FUT8: variants seen among roughly 807,000 people sequenced by gnomAD.
FUT8 encodes the protein alpha-(1,6)-fucosyltransferase.
A neutral mutation model predicts 71.3 loss-of-function variants in FUT8; 29 were observed. The ratio of observed to expected loss-of-function variants is 0.41; its 90% CI spans 0.30 to 0.55. FUT8 has a LOEUF of 0.55. FUT8 is among the 20% of genes least tolerant of loss of function. FUT8 has a pLI of 0.34. For synonymous variants in FUT8, 254 were observed against 239.3 expected (o/e 1.06, Z -0.57); for missense variants, 544 against 702.1 (o/e 0.77, Z 2.55).
In FUT8 at chr14:65,742,451, C is replaced by G. The variant is rs780767809; in HGVS notation, c.*41C>G. The G allele has an allele frequency of 6.4e-6, 10 of 1,559,944 alleles. No homozygotes were observed. The East Asian group carries it at 2.3e-4, about 35-fold the overall frequency. ...GATAAACGACCAAACTCAGTTCGAC[C>G]AAACTCAGTTCAAACCATTTCAGCC... On this transcript the variant is annotated 3_prime_UTR_variant, in exon 11 of 11. Coordinates refer to ENST00000673929, the MANE Select transcript of FUT8 (RefSeq NM_001371533.1).
intron 5 of FUT8, chr14:65,617,234 A>G (rs778009339): frequency 6.8e-7 from 1 of 1,474,522 alleles, no homozygotes; most frequent in Non-Finnish European, 8.9e-7. Context: ...CAATATTATA[A>G]TGATTTTGAA....
intron 6 of FUT8, among the ~76,000 whole-genome samples, chr14:65,633,483 C>A (rs945924123): frequency 6.6e-6 from 1 of 152,130 alleles, no homozygotes; most frequent in African/African-American, 2.4e-5. Flanking sequence ...GCTGCCCAGT[C>A]TGGAAAGTGA....
At chr14:65,496,348 C>A (rs1285159475) in intron 2 of FUT8, among the ~76,000 whole-genome samples, 1 of 152,064 alleles carries the variant, frequency 6.6e-6, no homozygotes, top group African/African-American at 2.4e-5. Context: ...CTATGACTGC[C>A]CTTCTTTCAC....
intron 6 of FUT8, among the ~76,000 whole-genome samples, chr14:65,659,922 A>G (rs976683157): frequency 1.3e-5 from 2 of 152,110 alleles, no homozygotes; most frequent in Admixed American, 6.6e-5. Flanking sequence ...TTATAACCTC[A>G]ACAGTTAAAT....
At chr14:65,486,508 G>T (rs2066411188) in intron 2 of FUT8, among the ~76,000 whole-genome samples, 1 of 152,220 alleles carries the variant, frequency 6.6e-6, no homozygotes, top group Non-Finnish European at 1.5e-5. Flanking sequence ...ATTACATGAA[G>T]AAGTCTTTAA....
chr14:65,552,417 T>C (rs546908362), intron 2 of FUT8, among the ~76,000 whole-genome samples: 173 of 152,330 alleles, frequency 1.1e-3, no homozygotes, highest in African/African-American at 3.8e-3. Context: ...TATGAGTGAA[T>C]GGATCATAGT....
At chr14:65,500,639 T>C (rs1255212029) in intron 2 of FUT8, among the ~76,000 whole-genome samples, 1 of 152,232 alleles carries the variant, frequency 6.6e-6, no homozygotes, top group African/African-American at 2.4e-5. Context: ...AACCTTTCTT[T>C]ATGGATCCTA....
At chr14:65,632,133 G>C (rs926617189) in intron 6 of FUT8, among the ~76,000 whole-genome samples, 1 of 152,076 alleles carries the variant, frequency 6.6e-6, no homozygotes, top group African/African-American at 2.4e-5. Context: ...GTTGATTGAC[G>C]GGCATTTGGG....
intron 2 of FUT8, among the ~76,000 whole-genome samples, chr14:65,536,152 G>A (rs775257232): frequency 4.6e-5 from 7 of 151,974 alleles, no homozygotes; most frequent in Non-Finnish European, 8.8e-5. Flanking sequence ...GTCATTGCAC[G>A]TGAGATGTGT....
intron 6 of FUT8, among the ~76,000 whole-genome samples, chr14:65,633,600 G>A (rs1296959388): frequency 4.8e-5 from 7 of 146,410 alleles, no homozygotes; most frequent in African/African-American, 1.5e-4. Context: ...GCCGCCCATC[G>A]TCTGAGATGT....
chr14:65,677,176 ATGTG>A (rs146092415), intron 7 of FUT8, among the ~76,000 whole-genome samples: 1 of 72,152 alleles, frequency 1.4e-5, no homozygotes, highest in Non-Finnish European at 2.7e-5. Flanking sequence ...GCGCGCACGT[ATGTG>A]TGTGCGCATG....
intron 6 of FUT8, among the ~76,000 whole-genome samples, chr14:65,634,290 G>A (rs1217623536): frequency 3.3e-5 from 5 of 152,082 alleles, no homozygotes; most frequent in African/African-American, 1.2e-4. Flanking sequence ...TCTGAAACAT[G>A]TGCTGTGTCC....
At chr14:65,720,979 G>A (rs1895386336) in intron 7 of FUT8, among the ~76,000 whole-genome samples, 1 of 152,102 alleles carries the variant, frequency 6.6e-6, no homozygotes. Flanking sequence ...CCTCCCCCAA[G>A]CACACAGATT....
At chr14:65,575,308 T>C (rs193108245) in intron 3 of FUT8, among the ~76,000 whole-genome samples, 1 of 152,122 alleles carries the variant, frequency 6.6e-6, no homozygotes, top group African/African-American at 2.4e-5. Flanking sequence ...GGCAAGACTT[T>C]AAATTATTGT....
At position 65,603,694 on chromosome 14, in the gene FUT8, A is replaced by G. The variant is rs1261624947; in HGVS notation, c.204-12284A>G. Among the ~76,000 whole-genome samples, 5 of 151,712 alleles carry G rather than the reference A, an allele frequency of 3.3e-5. No homozygotes were observed. The highest frequency in any genetic ancestry group is 9.7e-5 in the African/African-American group (4 of 41,372). On this transcript the variant is annotated intron_variant, in intron 3 of 10. Transcript: ENST00000673929. The surrounding 1 kb of genome is among the most constrained non-coding windows in gnomAD (Gnocchi z 4.5). ...TATTTATCTTTTCAAAAGAACAAAA[A>G]TACACTAAAAAAAAATCCAAGGTAT... is the stretch of plus-strand genomic sequence containing the variant.
chr14:65,713,616 A>G (rs1894911436), intron 7 of FUT8, among the ~76,000 whole-genome samples: 1 of 152,076 alleles, frequency 6.6e-6, no homozygotes, highest in Non-Finnish European at 1.5e-5. Flanking sequence ...ACCTTGTTGT[A>G]GTTTTTGATG....
chr14:65,651,426 C>T (rs1891402501), intron 6 of FUT8, among the ~76,000 whole-genome samples: 1 of 152,216 alleles, frequency 6.6e-6, no homozygotes, highest in African/African-American at 2.4e-5. Flanking sequence ...TTGGCTAAGA[C>T]ATGCATTGTG....
chr14:65,408,785 T>G (rs2065097053), upstream of FUT8, among the ~76,000 whole-genome samples: 1 of 152,210 alleles, frequency 6.6e-6, no homozygotes, highest in South Asian at 2.1e-4. Flanking sequence ...CTCTGGCTTT[T>G]TAATGAGTAG....
intron 1 of FUT8, among the ~76,000 whole-genome samples, chr14:65,421,563 G>C (rs1455628028): frequency 1.3e-5 from 2 of 152,122 alleles, no homozygotes; most frequent in Non-Finnish European, 2.9e-5. Flanking sequence ...AAGCAGTCTT[G>C]AACAATCAGA....
Sources: allele counts gnomAD v4.1 joint callset (sites outside exome capture counted in the v4.1 genomes callset), GRCh38; gene constraint gnomAD v4.1.1; non-coding constraint Gnocchi (gnomAD v3.1); transcripts MANE v1.5; gene names NCBI Gene and HGNC (gene_info 2026-07-23, HGNC 2026-07-21).